The following NAA25 variants were observed in gnomAD, a reference collection of about 807,000 sequenced individuals.
The protein encoded by NAA25 is N-terminal acetyltransferase B complex subunit NAA25.
In NAA25, 30 loss-of-function variants were observed where a neutral mutation model predicts 132.5. That is an observed-to-expected ratio of 0.23 (90% CI 0.17 to 0.31). The LOEUF is 0.31. NAA25 is among the 10% of genes least tolerant of loss of function. The probability of loss-of-function intolerance (pLI) is 1.00; values close to 1 mark genes in which losing one functional copy is unlikely to be tolerated. For synonymous variants in NAA25, 359 were observed against 401.9 expected, an observed-to-expected ratio of 0.89 and a Z score of 1.28; for missense variants, 771 against 1,150.4, an observed-to-expected ratio of 0.67 and a Z score of 4.77.
intron 3 of NAA25, among the ~76,000 whole-genome samples, chr12:112,089,681 G>A (rs2079103795): frequency 6.6e-6 from 1 of 152,002 alleles, no homozygotes; most frequent in Non-Finnish European, 1.5e-5. Flanking sequence ...ACTCTTGGTA[G>A]GTAAAAGGAG....
At chr12:112,053,465 T>C in intron 15 of NAA25, 93 bp downstream of exon 15, 1 of 936,162 alleles carries the variant, frequency 1.1e-6, no homozygotes, top group Non-Finnish European at 1.7e-6. Context: ...ATGGTGCACC[T>C]TAACATGTGT....
At position 112,069,181 on chromosome 12, in the gene NAA25, TTTTC is replaced by T. The variant is rs1489179971; in HGVS notation, c.1037-193_1037-190del. On this transcript the variant is annotated intron_variant, in intron 10 of 23. Coordinates refer to ENST00000261745, the MANE Select transcript of NAA25 (RefSeq NM_024953.4). ...AACTCATTGTTCTACTCTTTCCCCC[TTTTC>T]ACCACTGCACCTGACTAGTCTTTAA... 5 of 527,202 alleles carry T rather than the reference TTTTC, an allele frequency of 9.5e-6. No individual in the cohort carries two copies. The African/African-American group carries it at 9.6e-5, about 10-fold the overall frequency. The allele number at this position is 527,202 out of a possible 1,614,324, so 32.7% of individuals were successfully genotyped here. A position where few individuals can be genotyped will look rare whatever the true frequency, so the allele number is the denominator to read the frequency against.
At chr12:112,086,102 A>ACACACACACACACC (rs796241170) in intron 4 of NAA25, among the ~76,000 whole-genome samples, 4,955 of 120,550 alleles carry the variant, frequency 0.041, 220 homozygotes, top group East Asian at 0.11. Flanking sequence ...ACACACACAC[A>ACACACACACACACC]CCCATAACCA....
At chr12:112,098,297 C>T (rs935886907) in intron 1 of NAA25, among the ~76,000 whole-genome samples, 13 of 152,072 alleles carry the variant, frequency 8.5e-5, no homozygotes, top group Middle Eastern at 3.4e-3. Context: ...TCTTTACTTG[C>T]GCTGGTATCA....
intron 13 of NAA25, among the ~76,000 whole-genome samples, chr12:112,058,638 G>A (rs1392776274): frequency 2.0e-5 from 3 of 151,998 alleles, no homozygotes; most frequent in Non-Finnish European, 4.4e-5. Context: ...AGAATGGCAT[G>A]ATAAGGCTGG....
rs1033986714 is a variant in NAA25 at position 112,043,358 on chromosome 12, G to A, written c.2251-147C>T. 51 of 914,132 alleles carry A rather than the reference G, an allele frequency of 5.6e-5. No individual in the cohort carries two copies. The East Asian group carries it at 1.2e-3, about 22-fold the overall frequency. The allele number at this position is 914,132 out of a possible 1,614,324, so 56.6% of individuals were successfully genotyped here. A position where few individuals can be genotyped will look rare whatever the true frequency, so the allele number is the denominator to read the frequency against. ...GCAAACTAATAACTGAATCATTACA[G>A]TAAAAACAGAACATTTATATTAATT... On this transcript the variant is annotated intron_variant, in intron 18 of 23. Coordinates refer to ENST00000261745, the MANE Select transcript of NAA25 (RefSeq NM_024953.4).
chr12:112,105,618 C>A (rs1315092645), intron 1 of NAA25, among the ~76,000 whole-genome samples: 1 of 152,190 alleles, frequency 6.6e-6, no homozygotes, highest in African/African-American at 2.4e-5. Context: ...TCCACATATA[C>A]CCTCAATGAA....
intron 13 of NAA25, among the ~76,000 whole-genome samples, chr12:112,056,315 G>A (rs1348714357): frequency 6.6e-6 from 1 of 151,694 alleles, no homozygotes; most frequent in Admixed American, 6.6e-5. Context: ...GCCTGGGACG[G>A]AGTTAAGATT....
intron 5 of NAA25, among the ~76,000 whole-genome samples, 165 bp downstream of exon 5, chr12:112,080,895 G>A (rs1178730931): frequency 6.6e-6 from 1 of 152,132 alleles, no homozygotes; most frequent in Non-Finnish European, 1.5e-5. Context: ...TTGAGCCTAG[G>A]AGGTCAAGGC....
At chr12:112,075,191 C>CTT (rs760622100) in intron 8 of NAA25, among the ~76,000 whole-genome samples, 4 of 143,602 alleles carry the variant, frequency 2.8e-5, no homozygotes, top group Non-Finnish European at 3.1e-5. Context: ...GCACAAGTAT[C>CTT]TTTTTTTTTT....
In NAA25 at chr12:112,081,146, C is replaced by T. The variant is rs372318761; in HGVS notation, c.403-12G>A. 1 of 1,601,928 alleles carries T rather than the reference C, an allele frequency of 6.2e-7. No individual in the cohort carries two copies. The highest frequency in any genetic ancestry group is 1.3e-5 in the African/African-American group (1 of 74,480). On this transcript the variant is annotated splice_polypyrimidine_tract_variant and intron_variant, in intron 4 of 23. Coordinates refer to ENST00000261745, the MANE Select transcript of NAA25 (RefSeq NM_024953.4). ...AGAGCCATGCCAGCCTAAAAGAGAACCATAAATATTTTATTTAGAAAACAC... is the reference window on the plus strand; with the variant it reads ...AGAGCCATGCCAGCCTAAAAGAGAATCATAAATATTTTATTTAGAAAACAC...
At position 112,048,280 on chromosome 12, in the gene NAA25, T is replaced by C; in HGVS notation, c.1880+12A>G. The C allele has an allele frequency of 6.2e-7, 1 of 1,609,728 alleles. No individual in the cohort carries two copies. Among genetic ancestry groups the C allele is most frequent in the Non-Finnish European group, 8.5e-7 (1 of 1,176,898 alleles). On this transcript the variant is annotated intron_variant, in intron 16 of 23. Coordinates refer to ENST00000261745, the MANE Select transcript of NAA25 (RefSeq NM_024953.4). ...TCCCTTAGTTCCTTTATAGCTCTCA[T>C]GCAATACTTACATATTTGCTTCAAG...
chr12:112,084,829 G>A (rs779724540), intron 4 of NAA25, among the ~76,000 whole-genome samples: 5 of 151,826 alleles, frequency 3.3e-5, no homozygotes, highest in Non-Finnish European at 7.4e-5. Flanking sequence ...AGGTGCAGTG[G>A]CTCACGCCTG....
At chr12:112,098,991 C>CTT (rs545549893) in intron 1 of NAA25, among the ~76,000 whole-genome samples, 12 of 144,650 alleles carry the variant, frequency 8.3e-5, no homozygotes, top group Non-Finnish European at 1.4e-4. Flanking sequence ...TTGCTAGTAT[C>CTT]TTTTTTTTTT....
intron 13 of NAA25, among the ~76,000 whole-genome samples, chr12:112,059,025 G>A (rs902775606): frequency 1.5e-5 from 2 of 132,832 alleles, no homozygotes; most frequent in African/African-American, 5.7e-5. Context: ...AGTGAGCTGA[G>A]ATTGCACCAC....
intron 20 of NAA25, 31 bp downstream of exon 20, chr12:112,042,008 A>G (rs1456437897): frequency 1.5e-6 from 2 of 1,303,356 alleles, no homozygotes; most frequent in African/African-American, 3.1e-5. Context: ...AACCAGATAC[A>G]AATACAGGAA....
Position 112,028,593 on chromosome 12 carries a change from A to C in NAA25, c.*938T>G, listed in dbSNP as rs2078110758. The C allele has an allele frequency of 6.6e-6, 1 of 152,132 alleles. No individual in the cohort carries two copies. Among genetic ancestry groups the C allele is most frequent in the Admixed American group, 6.6e-5 (1 of 15,260 alleles). 9.4% of individuals were successfully genotyped at this position (152,132 alleles called of 1,614,324 possible). A position where few individuals can be genotyped will look rare whatever the true frequency, so the allele number is the denominator to read the frequency against. ...CCAAACCCCCCACACTTAAAACATTAAAGTATTAAATCTTAATTTTCAAGT... is the reference window on the plus strand; with the variant it reads ...CCAAACCCCCCACACTTAAAACATTCAAGTATTAAATCTTAATTTTCAAGT... On this transcript the variant is annotated 3_prime_UTR_variant, in exon 24 of 24. Transcript: ENST00000261745.
intron 18 of NAA25, 79 bp downstream of exon 18, chr12:112,043,546 C>T (rs2078331849): frequency 6.6e-7 from 1 of 1,508,848 alleles, no homozygotes. Flanking sequence ...TTACTACTCA[C>T]CCACCCCAAA....
intron 10 of NAA25, among the ~76,000 whole-genome samples, chr12:112,069,640 G>T (rs1467946523): frequency 1.3e-5 from 2 of 151,736 alleles, no homozygotes; most frequent in Admixed American, 1.3e-4. Context: ...GGCCAACATG[G>T]AGAAACTCGT....
Sources: gnomAD v4.1 joint callset for allele counts (sites outside exome capture counted in the v4.1 genomes callset) on GRCh38, gnomAD v4.1.1 for gene constraint, MANE v1.5 for transcripts, NCBI Gene and HGNC (gene_info 2026-07-23, HGNC 2026-07-21) for gene names.